ZIC4: variants seen among roughly 807,000 people sequenced by gnomAD.
ZIC4 encodes zinc finger protein ZIC 4.
In ZIC4, 15 loss-of-function variants were observed where a neutral mutation model predicts 28.8. The ratio of observed to expected loss-of-function variants is 0.52; its 90% CI spans 0.35 to 0.80. The LOEUF (loss-of-function observed/expected upper bound fraction) is 0.80, where lower values mean the gene tolerates loss of function less well. ZIC4 is among the 30% of genes least tolerant of loss of function. ZIC4 has a pLI of 0.01. For missense variants in ZIC4, 512 were observed against 467.1 expected (o/e 1.10, Z -0.89); for synonymous variants, 220 against 198.1 (o/e 1.11, Z -0.93).
chr3:147,388,929 T>A (rs1215445860), intron 4 of ZIC4, 70 bp from the exon 5 acceptor site: 3 of 770,522 alleles, frequency 3.9e-6, no homozygotes, highest in Non-Finnish European at 7.2e-6. Flanking sequence ...TTTCATTATT[T>A]TAGATTGAGA....
chr3:147,404,338 A>C, intron 1 of ZIC4: 2 of 1,279,084 alleles, frequency 1.6e-6, no homozygotes, highest in Non-Finnish European at 9.9e-7. Flanking sequence ...ATGCAAACAA[A>C]TATTGCAGAG....
chr3:147,392,225 G>T (rs749980646), intron 3 of ZIC4: 1 of 985,710 alleles, frequency 1.0e-6, no homozygotes, highest in South Asian at 4.7e-5. Context: ...GCCCTTGAGC[G>T]CTGCGGCTTC....
At position 147,405,796 on chromosome 3, in the gene ZIC4, G is replaced by C. The variant is rs373403694; in HGVS notation, c.-16+567C>G. 228 of 410,772 alleles carry C rather than the reference G, an allele frequency of 5.6e-4. No individual in the cohort carries two copies. In the South Asian group the frequency reaches 5.6e-3, roughly 10 times the overall value. The allele number at this position is 410,772 out of a possible 1,614,324, so 25.4% of individuals were successfully genotyped here. On this transcript the variant is annotated intron_variant, in intron 1 of 4. Transcript: ENST00000383075. ...CAGGCGGCATCTGCCGTCAGGTTGG[G>C]GCGGAGAAGTTCCATCGTCTTGCTG...
rs76808774 is a variant in ZIC4 at position 147,405,952 on chromosome 3, G to T, written c.-16+411C>A. ...CCGGCACCCGCCTTGCTCATTTTTC[G>T]CGAGGGAAGCTCTGGGCCACGACTT... On this transcript the variant is annotated intron_variant, in intron 1 of 4. Transcript: ENST00000383075. 123 of 164,802 alleles carry T rather than the reference G, an allele frequency of 7.5e-4. 1 individual carries two copies. The highest frequency in any genetic ancestry group is 2.9e-3 in the African/African-American group (119 of 41,678). 10.2% of individuals were successfully genotyped at this position (164,802 alleles called of 1,614,324 possible).
intron 1 of ZIC4, chr3:147,405,400 G>C (rs557101242): frequency 1.3e-6 from 2 of 1,537,124 alleles, no homozygotes; most frequent in South Asian, 1.2e-5. Context: ...GTTTCCTGAA[G>C]ACGGTGACGG....
chr3:147,389,274 T>G (rs1291259967), intron 4 of ZIC4: 1 of 186,370 alleles, frequency 5.4e-6, no homozygotes, highest in Non-Finnish European at 1.1e-5. Context: ...TTATTTCATC[T>G]GATGAAAGTT....
intron 4 of ZIC4, among the ~76,000 whole-genome samples, chr3:147,390,419 G>T (rs1227638270): frequency 3.3e-5 from 5 of 152,162 alleles, no homozygotes; most frequent in African/African-American, 1.2e-4. Context: ...GTTAGAGTGG[G>T]GGTGGGAGCG....
Position 147,405,360 on chromosome 3 carries a change from G to A in ZIC4, c.-16+1003C>T, listed in dbSNP as rs1051248175. 7.2e-6 allele frequency: 11 copies of A among 1,532,720 alleles called. No homozygotes were observed. The African/African-American group carries it at 1.4e-4, about 19-fold the overall frequency. The allele number at this position is 1,532,720 out of a possible 1,614,324, so 94.9% of individuals were successfully genotyped here. On this transcript the variant is annotated intron_variant, in intron 1 of 4. Transcript: ENST00000383075. ...GCGAGGACAATACTGTCGGAAAGCGGGGAAAACATGACCTTGGAATCCAAA... is the reference window on the plus strand; with the variant it reads ...GCGAGGACAATACTGTCGGAAAGCGAGGAAAACATGACCTTGGAATCCAAA...
chr3:147,388,969 G>A (rs2086850481), intron 4 of ZIC4, 110 bp from the exon 5 acceptor site: 2 of 703,394 alleles, frequency 2.8e-6, no homozygotes, highest in Admixed American at 4.7e-5. Context: ...CTTAGAAACA[G>A]AAGACAAAGA....
intron 4 of ZIC4, among the ~76,000 whole-genome samples, chr3:147,389,896 C>T (rs138456860): frequency 1.3e-5 from 2 of 149,780 alleles, no homozygotes; most frequent in East Asian, 4.0e-4. Context: ...TTAGAGGCTT[C>T]GACTCAGTGA....
chr3:147,393,900 T>C (rs1313610792), intron 3 of ZIC4: 1 of 456,662 alleles, frequency 2.2e-6, no homozygotes. Flanking sequence ...AGTGAATCCT[T>C]TCGGTGCGGA....
intron 1 of ZIC4, chr3:147,405,275 C>A (rs1246903115): frequency 8.3e-7 from 1 of 1,209,842 alleles, no homozygotes; most frequent in South Asian, 1.6e-5. Context: ...CACCCCTCCC[C>A]CAACCTGCAG....
rs760753541 is a variant in ZIC4 at position 147,402,700 on chromosome 3, C to T, written c.70+28G>A. ...AGAAGAAGAAAAGAAACCAGCAAAC[C>T]AATATTCAAAGGAGGATTTTAACTT... On this transcript the variant is annotated intron_variant, in intron 2 of 4. Transcript: ENST00000383075. The T allele has an allele frequency of 1.9e-6, 3 of 1,546,632 alleles. No individual in the cohort carries two copies. In the South Asian group the frequency reaches 3.8e-5, roughly 19 times the overall value.
rs772877814 is a variant in ZIC4 at position 147,391,140 on chromosome 3, C to A, written c.795G>T (p.Thr265=). 7.4e-6 allele frequency: 12 copies of A among 1,613,800 alleles called. No individual in the cohort carries two copies. The African/African-American group carries it at 9.3e-5, about 13-fold the overall frequency. ...SHVHTSDKPY[T]CKVRGCDKCY... ...ACTTGTCGCAGCCCCGCACCTTGCA[C>A]GTGTATGGCTTGTCGCTAGTGTGCA... Residue 265 remains threonine (T), a synonymous_variant, in exon 4 of 5, where the codon ACG becomes ACT. Transcript: ENST00000383075.
chr3:147,402,667 A>G (rs551523258), intron 2 of ZIC4, 61 bp downstream of exon 2: 747 of 1,456,220 alleles, frequency 5.1e-4, no homozygotes, highest in Non-Finnish European at 6.3e-4. Flanking sequence ...TAAAAAAAAA[A>G]AAGAAGAAGA....
At chr3:147,404,261 T>G (rs1240918535) in intron 1 of ZIC4, 6 of 1,435,242 alleles carry the variant, frequency 4.2e-6, no homozygotes, top group Non-Finnish European at 5.4e-6. Context: ...CAACCCAACT[T>G]CTAAGAGGTC....
rs958350424 is a variant in ZIC4, at chr3:147,391,045, C to G, written c.890G>C (p.Gly297Ala). Residue 297 changes from glycine (G) to alanine (A), a missense_variant, in exon 4 of 5, where the codon GGC becomes GCC. By Grantham distance (60) the Gly-to-Ala change is moderately conservative (BLOSUM62 0). Transcript: ENST00000383075. ...VHGRSPPPSS[G>A]YDSATPSALV... ...GGCAGACGGTGTAGCCGAATCGTAG[C>G]CAGAGCTGGGCGGCGGCGAGCGCCC... is the stretch of plus-strand genomic sequence containing the variant. 3 of 1,613,902 alleles carry G rather than the reference C, an allele frequency of 1.9e-6. No individual in the cohort carries two copies. The highest frequency in any genetic ancestry group is 2.5e-6 in the Non-Finnish European group (3 of 1,179,974).
chr3:147,390,227 A>G (rs2086884905), intron 4 of ZIC4, among the ~76,000 whole-genome samples: 1 of 151,514 alleles, frequency 6.6e-6, no homozygotes, highest in Non-Finnish European at 1.5e-5. Context: ...CCTCCTTTAT[A>G]GAGGAGGTTG....
chr3:147,388,764 C>G lies in ZIC4; in HGVS notation c.*95G>C. On this transcript the variant is annotated 3_prime_UTR_variant, in exon 5 of 5. Transcript: ENST00000383075. ...GAAGATGCACCGTGGCGAAGAAACA[C>G]TGCTTTGTGCGCGGGCCCTTTGATG... The G allele has an allele frequency of 1.4e-6, 1 of 739,620 alleles. No individual in the cohort carries two copies. The highest frequency in any genetic ancestry group is 2.5e-5 in the East Asian group (1 of 40,650). 45.8% of individuals were successfully genotyped at this position (739,620 alleles called of 1,614,324 possible). A position where few individuals can be genotyped will look rare whatever the true frequency, so the allele number is the denominator to read the frequency against.
Sources: gnomAD v4.1 joint callset for allele counts (sites outside exome capture counted in the v4.1 genomes callset) on GRCh38, gnomAD v4.1.1 for gene constraint, MANE v1.5 for transcripts, NCBI Gene and HGNC (gene_info 2026-07-23, HGNC 2026-07-21) for gene names.